The following PPFIA2 variants were observed in gnomAD, a reference collection of about 807,000 sequenced individuals.
The protein encoded by PPFIA2 is PPFI scaffold protein A2.
Under a neutral mutation model 175.5 loss-of-function variants are expected in PPFIA2, and 46 were observed. That is an observed-to-expected ratio of 0.26 (90% CI 0.21 to 0.34). The LOEUF is 0.34. Among genes scored for constraint, PPFIA2 ranks in the 10% least tolerant of loss-of-function variants. PPFIA2 has a pLI of 1.00. For missense variants in PPFIA2, 1,179 were observed against 1,506.1 expected, an observed-to-expected ratio of 0.78 and a Z score of 3.60; for synonymous variants, 568 against 511.4, an observed-to-expected ratio of 1.11 and a Z score of -1.49.
chr12:81,372,100 T>C (rs2035280995), intron 11 of PPFIA2, among the ~76,000 whole-genome samples: 1 of 151,786 alleles, frequency 6.6e-6, no homozygotes, highest in Admixed American at 6.6e-5. Context: ...AATACAAAGA[T>C]CACACAGAAA....
chr12:81,513,789 T>G (rs1343287616), intron 4 of PPFIA2, among the ~76,000 whole-genome samples: 1 of 152,060 alleles, frequency 6.6e-6, no homozygotes, highest in East Asian at 1.9e-4. Context: ...GTAACCTTTC[T>G]CTGAAGATCA....
intron 8 of PPFIA2, among the ~76,000 whole-genome samples, chr12:81,389,015 C>T (rs1300327241): frequency 6.6e-6 from 1 of 151,606 alleles, no homozygotes; most frequent in Admixed American, 6.6e-5. Context: ...CTTTCTGTCA[C>T]ACAGATTCGC....
intron 23 of PPFIA2, among the ~76,000 whole-genome samples, chr12:81,298,669 G>C (rs1882184): frequency 6.6e-6 from 1 of 152,090 alleles, no homozygotes; most frequent in Non-Finnish European, 1.5e-5. Flanking sequence ...TCAATGTCAA[G>C]GTCAGTTTCT....
At chr12:81,424,687 C>G (rs972897409) in intron 7 of PPFIA2, among the ~76,000 whole-genome samples, 1 of 152,164 alleles carries the variant, frequency 6.6e-6, no homozygotes, top group East Asian at 1.9e-4. Flanking sequence ...ACCAAGTTTT[C>G]TTCAATGGCA....
chr12:81,432,755 C>T (rs1592897106), intron 7 of PPFIA2, among the ~76,000 whole-genome samples: 1 of 152,144 alleles, frequency 6.6e-6, no homozygotes, highest in East Asian at 1.9e-4. Context: ...CTACGCCCGG[C>T]TAGAACTAAC....
chr12:81,753,874 A>G, intron 3 of PPFIA2, 99 bp downstream of exon 3: 1 of 1,425,444 alleles, frequency 7.0e-7, no homozygotes, highest in Non-Finnish European at 9.5e-7. Context: ...TGTGTATCAC[A>G]TATGTTAAGT....
At chr12:81,475,321 TTAAG>T in intron 4 of PPFIA2, among the ~76,000 whole-genome samples, 1 of 152,296 alleles carries the variant, frequency 6.6e-6, no homozygotes, top group Middle Eastern at 3.4e-3. Context: ...GCATTTTTAT[TTAAG>T]TAAAAATAAG....
chr12:81,503,590 G>GA lies in PPFIA2; in HGVS notation c.304-45725dup, dbSNP rs1400883385. On this transcript the variant is annotated intron_variant, in intron 4 of 32. Coordinates refer to ENST00000549396, the MANE Select transcript of PPFIA2 (RefSeq NM_003625.5). The stretch of plus-strand genomic sequence containing the variant: ...AGTTTCATTCCATGAGGAAATAAAA[G>GA]AAAAAAAAAACTTTTTAGTCATTTA... Among the ~76,000 whole-genome samples the GA allele has an allele frequency of 4.6e-3, 655 of 142,746 alleles. 1 individual carries two copies. Among genetic ancestry groups the GA allele is most frequent in the Admixed American group, 8.3e-3 (118 of 14,210 alleles). The allele number at this position is 142,746 out of a possible 152,430, so 93.6% of individuals were successfully genotyped here.
intron 4 of PPFIA2, among the ~76,000 whole-genome samples, chr12:81,663,099 C>A (rs534608832): frequency 1.3e-5 from 2 of 151,606 alleles, no homozygotes; most frequent in South Asian, 4.2e-4. Context: ...CAATATCATA[C>A]TGGAAGGCAT....
intron 14 of PPFIA2, among the ~76,000 whole-genome samples, chr12:81,364,684 A>T (rs1473522847): frequency 1.3e-5 from 2 of 151,798 alleles, no homozygotes; most frequent in Non-Finnish European, 2.9e-5. Flanking sequence ...GTCAGAAAAG[A>T]GAGGAAATTT....
chr12:81,517,898 T>C (rs1284519024), intron 4 of PPFIA2, among the ~76,000 whole-genome samples: 2 of 146,672 alleles, frequency 1.4e-5, no homozygotes, highest in Non-Finnish European at 3.0e-5. Context: ...TGACACTGCC[T>C]GCTACCTTTC....
intron 10 of PPFIA2, 138 bp from the exon 11 acceptor site, chr12:81,374,906 A>T: frequency 4.1e-6 from 3 of 739,188 alleles, no homozygotes; most frequent in Non-Finnish European, 6.4e-6. Flanking sequence ...CAAAGTGTTG[A>T]TTGTTGTCTT....
chr12:81,368,266 C>T (rs185098511), intron 13 of PPFIA2: 2 of 767,332 alleles, frequency 2.6e-6, no homozygotes, highest in Admixed American at 4.8e-5. Context: ...CCTAAACCCT[C>T]TACTGGGATT....
intron 2 of PPFIA2, among the ~76,000 whole-genome samples, chr12:81,755,960 C>T (rs1436202899): frequency 1.3e-5 from 2 of 152,074 alleles, no homozygotes; most frequent in Non-Finnish European, 2.9e-5. Flanking sequence ...CAAAGACTAT[C>T]ACAAAGATGG....
At chr12:81,369,519 T>C (rs568334364) in intron 11 of PPFIA2, 2 of 837,462 alleles carry the variant, frequency 2.4e-6, no homozygotes, top group Non-Finnish European at 3.1e-6. Context: ...ACTGCACAGA[T>C]GGTTGATTAT....
At chr12:81,467,348 T>TA (rs1170224372) in intron 4 of PPFIA2, among the ~76,000 whole-genome samples, 1 of 152,144 alleles carries the variant, frequency 6.6e-6, no homozygotes, top group Non-Finnish European at 1.5e-5. Flanking sequence ...GTAGAGCCTA[T>TA]GAGGAAATTC....
chr12:81,415,483 A>G lies in PPFIA2; in HGVS notation c.646-9580T>C, dbSNP rs548533948. 7.4e-4 allele frequency among the ~76,000 whole-genome samples: 111 copies of G among 150,074 alleles called. 1 individual carries two copies. The highest frequency in any genetic ancestry group is 7.1e-3 in the South Asian group (34 of 4,806). On this transcript the variant is annotated intron_variant, in intron 7 of 32. Transcript: ENST00000549396. ...TTAATTGAAAATACATCATATAAAA[A>G]GTACATAAATTTGGCTATTTCCAAA...
chr12:81,305,053 G>C (rs1277287663), intron 22 of PPFIA2, among the ~76,000 whole-genome samples: 2 of 151,920 alleles, frequency 1.3e-5, no homozygotes, highest in Non-Finnish European at 2.9e-5. Flanking sequence ...TAGGGATTCA[G>C]GCACACAGCA....
At chr12:81,477,273 G>A (rs1371896193) in intron 4 of PPFIA2, among the ~76,000 whole-genome samples, 2 of 150,946 alleles carry the variant, frequency 1.3e-5, no homozygotes, top group Non-Finnish European at 3.0e-5. Flanking sequence ...CAAAACCTCA[G>A]GATTGAGAGA....
Sources: gnomAD v4.1 joint callset for allele counts (sites outside exome capture counted in the v4.1 genomes callset) on GRCh38, gnomAD v4.1.1 for gene constraint, MANE v1.5 for transcripts, NCBI Gene and HGNC (gene_info 2026-07-23, HGNC 2026-07-21) for gene names.